ZDHHC5: variants seen among roughly 807,000 people sequenced by gnomAD.
ZDHHC5 encodes the protein palmitoyltransferase ZDHHC5.
In ZDHHC5, 22 loss-of-function variants were observed where a neutral mutation model predicts 70.0. That is an observed-to-expected ratio of 0.31 (90% CI 0.22 to 0.45). ZDHHC5 has a LOEUF of 0.45. Among genes scored for constraint, ZDHHC5 ranks in the 20% least tolerant of loss-of-function variants. The pLI, the probability that ZDHHC5 is intolerant of heterozygous loss-of-function variation, is 1.00. For synonymous variants in ZDHHC5, 313 were observed against 347.8 expected (o/e 0.90, Z 1.11); for missense variants, 746 against 926.9 (o/e 0.80, Z 2.53).
chr11:57,693,834 C>A lies in ZDHHC5; in HGVS notation c.804C>A (p.Phe268Leu). Reference sequence around the variant, plus strand: ...AGACAATTGTAATCAGACCTCCCTTCCTTCGACCAGAAGTTTCAGATGGGC... The same window carrying A: ...AGACAATTGTAATCAGACCTCCCTTACTTCGACCAGAAGTTTCAGATGGGC... ...KEKTIVIRPP[F>L]LRPEVSDGQI... The change falls in exon 8 of 12, where the codon TTC becomes TTA. Residue 268 changes from phenylalanine to leucine, a missense_variant. This residue lies in a region of ZDHHC5 where 114 missense variants were observed against 179.3 expected (regional missense o/e 0.64). Transcript: ENST00000287169. The A allele has an allele frequency of 6.2e-7, 1 of 1,605,488 alleles. No individual in the cohort carries two copies. Among genetic ancestry groups the A allele is most frequent in the Non-Finnish European group, 8.5e-7 (1 of 1,175,892 alleles).
chr11:57,691,040 T>C (rs1946279048), intron 6 of ZDHHC5, among the ~76,000 whole-genome samples: 1 of 152,126 alleles, frequency 6.6e-6, no homozygotes, highest in Non-Finnish European at 1.5e-5. Context: ...ACAATAGAGA[T>C]AAAGGCTGAA....
In ZDHHC5 at chr11:57,700,200, G is replaced by A; in HGVS notation, c.*169G>A. The stretch of plus-strand genomic sequence containing the variant: ...AAAATGCAGTAGGCTTGGGGAGTCG[G>A]AGAGTTGGGGCCCTGAGACTGGGGT... On this transcript the variant is annotated 3_prime_UTR_variant, in exon 12 of 12. Coordinates refer to ENST00000287169, the MANE Select transcript of ZDHHC5 (RefSeq NM_015457.3). The A allele has an allele frequency of 1.2e-6, 1 of 845,268 alleles. No individual in the cohort carries two copies. The highest frequency in any genetic ancestry group is 1.7e-6 in the Non-Finnish European group (1 of 588,460). 52.4% of individuals were successfully genotyped at this position (845,268 alleles called of 1,614,324 possible).
intron 2 of ZDHHC5, among the ~76,000 whole-genome samples, chr11:57,674,822 T>C (rs1946050845): frequency 1.3e-5 from 2 of 152,244 alleles, no homozygotes; most frequent in African/African-American, 2.4e-5. Flanking sequence ...AACACCATCC[T>C]ACTTCTCACC....
At chr11:57,677,356 G>C (rs541310932) in intron 2 of ZDHHC5, among the ~76,000 whole-genome samples, 11 of 142,434 alleles carry the variant, frequency 7.7e-5, no homozygotes, top group Non-Finnish European at 1.5e-4. Context: ...GTGTGATCTC[G>C]GCTCACTGCA....
At chr11:57,676,990 C>T (rs1361013219) in intron 2 of ZDHHC5, among the ~76,000 whole-genome samples, 2 of 131,392 alleles carry the variant, frequency 1.5e-5, no homozygotes, top group Non-Finnish European at 3.1e-5. Flanking sequence ...GGCGCGATCT[C>T]GGCTCGCTGC....
At position 57,699,012 on chromosome 11, in the gene ZDHHC5, C is replaced by A; in HGVS notation, c.1576C>A (p.Arg526=). 1.2e-6 allele frequency: 2 copies of A among 1,609,330 alleles called. No homozygotes were observed. Among genetic ancestry groups the A allele is most frequent in the Middle Eastern group, 3.3e-4 (2 of 6,058 alleles). ...TTTGGTGCCAACTGGCCCAACACAC[C>A]GAGAGCCCTCACCAGTCCGTTACGA... The part of the protein sequence containing the change: ...PRLVPTGPTH[R]EPSPVRYDNL... The change falls in exon 11 of 12, where the codon CGA becomes AGA. Residue 526 remains arginine, a synonymous_variant. Coordinates refer to ENST00000287169, the MANE Select transcript of ZDHHC5 (RefSeq NM_015457.3).
chr11:57,686,421 T>C (rs1367816163), intron 3 of ZDHHC5, among the ~76,000 whole-genome samples: 1 of 151,982 alleles, frequency 6.6e-6, no homozygotes, highest in Non-Finnish European at 1.5e-5. Flanking sequence ...GTTCAAGCAA[T>C]TATTCTACCT....
chr11:57,690,069 T>G lies in ZDHHC5; in HGVS notation c.423T>G (p.Ile141Met). ...DHHCPWVNNC[I>M]GRRNYRYFFL... ...ACTGCCCCTGGGTGAATAACTGTATTGGTCGCCGGAACTACCGTTATTTTT... is the reference window on the plus strand; with the variant it reads ...ACTGCCCCTGGGTGAATAACTGTATGGGTCGCCGGAACTACCGTTATTTTT... Residue 141 changes from isoleucine to methionine, a missense_variant, in exon 5 of 12, where the codon ATT becomes ATG. By Grantham distance (10) the Ile-to-Met change is conservative (BLOSUM62 1). Around this residue, in one of 6 missense-constraint regions of ZDHHC5, gnomAD observed 18 missense variants for 66.8 expected, o/e 0.27. Transcript: ENST00000287169. 6.2e-7 allele frequency: 1 copy of G among 1,614,184 alleles called. No individual in the cohort carries two copies. Among genetic ancestry groups the G allele is most frequent in the Non-Finnish European group, 8.5e-7 (1 of 1,180,036 alleles).
intron 2 of ZDHHC5, 142 bp downstream of exon 2, chr11:57,673,336 CAT>C (rs1194712439): frequency 5.7e-6 from 4 of 704,278 alleles, no homozygotes; most frequent in African/African-American, 1.8e-5. Flanking sequence ...ATCCCAGAGA[CAT>C]GTAAGAAAAA....
intron 10 of ZDHHC5, among the ~76,000 whole-genome samples, chr11:57,698,217 T>G (rs1946382933): frequency 6.6e-6 from 1 of 152,026 alleles, no homozygotes; most frequent in South Asian, 2.1e-4. Flanking sequence ...AAAGGACATT[T>G]CACTAATTGT....
intron 11 of ZDHHC5, 22 bp from the exon 12 acceptor site, chr11:57,699,844 A>AAG (rs774507303): frequency 8.6e-5 from 139 of 1,613,958 alleles, no homozygotes; most frequent in Non-Finnish European, 1.0e-4. Flanking sequence ...CCTGACACCT[A>AAG]CGTCTTGTCT....
intron 3 of ZDHHC5, among the ~76,000 whole-genome samples, chr11:57,686,547 C>G (rs933591211): frequency 2.0e-5 from 3 of 152,038 alleles, no homozygotes; most frequent in African/African-American, 7.2e-5. Context: ...AACTCCTGAC[C>G]TCAAATGATC....
rs1267666801 is a variant in ZDHHC5 at position 57,672,584 on chromosome 11, T to C, written c.-507T>C. On this transcript the variant is annotated 5_prime_UTR_variant, in exon 2 of 12. Coordinates refer to ENST00000287169, the MANE Select transcript of ZDHHC5 (RefSeq NM_015457.3). ...AAATAGAAACACAGGGCACACCTCT[T>C]TTAGGTGCAGCTCACATTTTATGGA... is the stretch of plus-strand genomic sequence containing the variant. The C allele has an allele frequency of 8.3e-6, 2 of 240,458 alleles. No individual in the cohort carries two copies. Among genetic ancestry groups the C allele is most frequent in the Non-Finnish European group, 1.6e-5 (2 of 126,868 alleles). 14.9% of individuals were successfully genotyped at this position (240,458 alleles called of 1,614,324 possible). A position where few individuals can be genotyped will look rare whatever the true frequency, so the allele number is the denominator to read the frequency against.
At chr11:57,671,580 A>T (rs1308321378) in intron 1 of ZDHHC5, among the ~76,000 whole-genome samples, 1 of 152,258 alleles carries the variant, frequency 6.6e-6, no homozygotes, top group Non-Finnish European at 1.5e-5. Flanking sequence ...ACAGAGAAAG[A>T]AAATGAGACT....
rs770399474 is a variant in ZDHHC5, at chr11:57,690,011, C to T, written c.385-20C>T. On this transcript the variant is annotated intron_variant, in intron 4 of 11. Transcript: ENST00000287169. ...GCTATGGTCCAGGGATGCCTCTCAT[C>T]TGTCTCTCTTTGTCCCTAGGAATTT... 2 of 1,612,992 alleles carry T rather than the reference C, an allele frequency of 1.2e-6. No individual in the cohort carries two copies. Among genetic ancestry groups the T allele is most frequent in the Non-Finnish European group, 1.7e-6 (2 of 1,179,286 alleles).
chr11:57,689,918 A>G, intron 4 of ZDHHC5, 113 bp from the exon 5 acceptor site: 1 of 1,295,630 alleles, frequency 7.7e-7, no homozygotes, highest in Non-Finnish European at 1.1e-6. Flanking sequence ...TTTAATTTTG[A>G]ACTAATTGGT....
intron 4 of ZDHHC5, 95 bp downstream of exon 4, chr11:57,688,760 C>G (rs1410218015): frequency 2.2e-6 from 3 of 1,378,238 alleles, no homozygotes; most frequent in Non-Finnish European, 2.9e-6. Flanking sequence ...GTGGTATAGT[C>G]CTGTCTAACT....
At chr11:57,698,460 A>G in intron 10 of ZDHHC5, 99 bp from the exon 11 acceptor site, 5 of 1,465,474 alleles carry the variant, frequency 3.4e-6, no homozygotes, top group Non-Finnish European at 4.6e-6. Context: ...TAAGCTTATT[A>G]TTGGCACATA....
At position 57,701,132 on chromosome 11, in the gene ZDHHC5, T is replaced by A. The variant is rs1946438056; in HGVS notation, c.*1101T>A. The stretch of plus-strand genomic sequence containing the variant: ...ACAAAGAGGCCCTTTTATTTTTTAT[T>A]CTGATTAGCCATTTTAAACCAACGA... On this transcript the variant is annotated 3_prime_UTR_variant, in exon 12 of 12. Coordinates refer to ENST00000287169, the MANE Select transcript of ZDHHC5 (RefSeq NM_015457.3). 1 of 152,592 alleles carries A rather than the reference T, an allele frequency of 6.6e-6. No individual in the cohort carries two copies. Among genetic ancestry groups the A allele is most frequent in the Non-Finnish European group, 1.5e-5 (1 of 68,044 alleles). The allele number at this position is 152,592 out of a possible 1,614,324, so 9.5% of individuals were successfully genotyped here.
Sources: gnomAD v4.1 joint callset for allele counts (sites outside exome capture counted in the v4.1 genomes callset) on GRCh38, gnomAD v4.1.1 for gene constraint, gnomAD v4.1.1 regional missense constraint, MANE v1.5 for transcripts, NCBI Gene and HGNC (gene_info 2026-07-23, HGNC 2026-07-21) for gene names.